ADIPOR2: variants seen among roughly 807,000 people sequenced by gnomAD.
ADIPOR2 encodes the protein adiponectin receptor protein 2.
In ADIPOR2, 18 loss-of-function variants were observed where a neutral mutation model predicts 40.9. That is an observed-to-expected ratio of 0.44 (90% CI 0.30 to 0.65). The LOEUF is 0.65. Ranked by LOEUF, ADIPOR2 falls within the 30% of genes least tolerant of loss-of-function variation. ADIPOR2 has a pLI of 0.09. For missense variants in ADIPOR2, 283 were observed against 479.2 expected (o/e 0.59, Z 3.82); for synonymous variants, 165 against 166.4 (o/e 0.99, Z 0.06).
chr12:1,707,024 C>T (rs147393490), intron 1 of ADIPOR2, among the ~76,000 whole-genome samples: 9 of 152,284 alleles, frequency 5.9e-5, no homozygotes, highest in South Asian at 2.1e-4. Context: ...TGGAATCATA[C>T]TGTACATATT....
At chr12:1,696,943 T>C (rs2094640378) in intron 1 of ADIPOR2, 1 of 152,882 alleles carries the variant, frequency 6.5e-6, no homozygotes, top group Admixed American at 6.5e-5. Context: ...GTCCATAACA[T>C]AATGGATGGT....
intron 2 of ADIPOR2, among the ~76,000 whole-genome samples, chr12:1,767,160 A>G (rs1862399069): frequency 1.3e-5 from 2 of 150,946 alleles, no homozygotes; most frequent in Admixed American, 1.3e-4. Flanking sequence ...AATCCCAGCT[A>G]CTCGGGAGGC....
intron 1 of ADIPOR2, among the ~76,000 whole-genome samples, chr12:1,728,449 G>C (rs1000641805): frequency 4.0e-5 from 6 of 151,852 alleles, no homozygotes; most frequent in African/African-American, 9.7e-5. Flanking sequence ...ACGGCTGGGC[G>C]CAGTGGCTCA....
intron 2 of ADIPOR2, among the ~76,000 whole-genome samples, chr12:1,771,154 A>G (rs961226946): frequency 1.1e-4 from 17 of 152,060 alleles, no homozygotes; most frequent in Non-Finnish European, 1.8e-4. Context: ...CCTCGTCTCT[A>G]CACACACGCA....
At chr12:1,718,925 T>C (rs2094692721) in intron 1 of ADIPOR2, among the ~76,000 whole-genome samples, 1 of 152,216 alleles carries the variant, frequency 6.6e-6, no homozygotes, top group African/African-American at 2.4e-5. Context: ...TGATACAACA[T>C]GTTGCCTACC....
At chr12:1,750,105 G>C (rs1592609998) in intron 1 of ADIPOR2, among the ~76,000 whole-genome samples, 1 of 151,708 alleles carries the variant, frequency 6.6e-6, no homozygotes, top group East Asian at 1.9e-4. Context: ...TATTTGTTTA[G>C]ATTTCTGATT....
At position 1,786,325 on chromosome 12, in the gene ADIPOR2, A is replaced by C. The variant is rs1592637342; in HGVS notation, c.*253A>C. ...GCCCAAACCCTGGCTTATTCTTGGG[A>C]TCTACTGATTGCGGGCTCTGCAAGA... On this transcript the variant is annotated 3_prime_UTR_variant, in exon 8 of 8. Coordinates refer to ENST00000357103, the MANE Select transcript of ADIPOR2 (RefSeq NM_024551.3). 2.3e-6 allele frequency: 1 copy of C among 436,290 alleles called. No individual in the cohort carries two copies. The highest frequency in any genetic ancestry group is 4.0e-6 in the Non-Finnish European group (1 of 249,126). The allele number at this position is 436,290 out of a possible 1,614,324, so 27.0% of individuals were successfully genotyped here.
chr12:1,758,094 T>C (rs1862183043), intron 2 of ADIPOR2: 2 of 562,380 alleles, frequency 3.6e-6, no homozygotes, highest in Non-Finnish European at 6.4e-6. Context: ...AGATTTACAT[T>C]AATTGATTTT....
At chr12:1,783,521 C>A (rs1862768106) in intron 6 of ADIPOR2, among the ~76,000 whole-genome samples, 1 of 151,806 alleles carries the variant, frequency 6.6e-6, no homozygotes, top group Admixed American at 6.6e-5. Context: ...GCCTCAGCCT[C>A]CCGAGTAGCT....
chr12:1,764,790 C>G (rs1277476756), intron 2 of ADIPOR2, among the ~76,000 whole-genome samples: 3 of 152,068 alleles, frequency 2.0e-5, no homozygotes, highest in African/African-American at 2.4e-5. Context: ...TGTAATCATT[C>G]CATATGTACT....
intron 1 of ADIPOR2, among the ~76,000 whole-genome samples, chr12:1,752,050 G>T (rs2094770415): frequency 6.6e-6 from 1 of 151,168 alleles, no homozygotes; most frequent in Non-Finnish European, 1.5e-5. Flanking sequence ...TGGGATTACA[G>T]GCATGCGCCA....
intron 6 of ADIPOR2, among the ~76,000 whole-genome samples, chr12:1,783,130 G>A (rs1226447284): frequency 2.0e-5 from 3 of 151,372 alleles, no homozygotes; most frequent in Non-Finnish European, 2.9e-5. Flanking sequence ...GAGCCACTGC[G>A]CCCAGCCTTA....
At chr12:1,743,685 A>C (rs879658421) in intron 1 of ADIPOR2, among the ~76,000 whole-genome samples, 6 of 152,130 alleles carry the variant, frequency 3.9e-5, no homozygotes, top group Middle Eastern at 3.2e-3. Context: ...ATTAAAAAAA[A>C]CCCATACAAC....
At chr12:1,742,341 C>T (rs1262466321) in intron 1 of ADIPOR2, among the ~76,000 whole-genome samples, 1 of 152,240 alleles carries the variant, frequency 6.6e-6, no homozygotes, top group East Asian at 1.9e-4. Flanking sequence ...CATCTGCCCA[C>T]CTGGGCCTCC....
At chr12:1,773,993 G>A (rs1221472785) in intron 3 of ADIPOR2, among the ~76,000 whole-genome samples, 1 of 152,160 alleles carries the variant, frequency 6.6e-6, no homozygotes, top group Admixed American at 6.5e-5. Flanking sequence ...ACATTTATGG[G>A]TCTGTAATAG....
intron 2 of ADIPOR2, among the ~76,000 whole-genome samples, chr12:1,761,884 A>T (rs1288029147): frequency 1.3e-5 from 2 of 152,204 alleles, no homozygotes; most frequent in African/African-American, 4.8e-5. Context: ...TATAAAGTTT[A>T]TTATGCCATT....
intron 2 of ADIPOR2, among the ~76,000 whole-genome samples, chr12:1,772,043 C>A (rs1862502939): frequency 6.6e-6 from 1 of 152,234 alleles, no homozygotes; most frequent in Admixed American, 6.5e-5. Flanking sequence ...TCCTGACTTG[C>A]AGTCTACTGC....
intron 1 of ADIPOR2, among the ~76,000 whole-genome samples, chr12:1,720,817 A>T (rs2094696428): frequency 6.6e-6 from 1 of 152,174 alleles, no homozygotes; most frequent in Non-Finnish European, 1.5e-5. Context: ...GGGGCCCTCA[A>T]TCCCTAAACT....
At chr12:1,747,384 T>C (rs1320777350) in intron 1 of ADIPOR2, among the ~76,000 whole-genome samples, 3 of 152,010 alleles carry the variant, frequency 2.0e-5, no homozygotes, top group South Asian at 4.2e-4. Context: ...TTAGAAAATA[T>C]CGAGACAAAA....
Sources: gnomAD v4.1 joint callset for allele counts (sites outside exome capture counted in the v4.1 genomes callset) on GRCh38, gnomAD v4.1.1 for gene constraint, MANE v1.5 for transcripts, NCBI Gene and HGNC (gene_info 2026-07-23, HGNC 2026-07-21) for gene names.